SYNPO2: variants seen among roughly 807,000 people sequenced by gnomAD.
SYNPO2 encodes the protein synaptopodin-2.
Under a neutral mutation model 85.0 loss-of-function variants are expected in SYNPO2, and 56 were observed. The observed-to-expected ratio is 0.66, with a 90% CI of 0.53 to 0.82. The LOEUF is 0.82. Among genes scored for constraint, SYNPO2 ranks in the 40% least tolerant of loss-of-function variants. The pLI, the probability that SYNPO2 is intolerant of heterozygous loss-of-function variation, is 0.00. For synonymous variants in SYNPO2, 602 were observed against 591.1 expected, an observed-to-expected ratio of 1.02 and a Z score of -0.27; for missense variants, 1,575 against 1,534.2, an observed-to-expected ratio of 1.03 and a Z score of -0.44.
intron 1 of SYNPO2, among the ~76,000 whole-genome samples, chr4:119,007,035 A>G (rs1275925766): frequency 6.6e-6 from 1 of 150,692 alleles, no homozygotes; most frequent in African/African-American, 2.4e-5. Flanking sequence ...CACATTAGGC[A>G]ATGTACTTGG....
intron 4 of SYNPO2, chr4:119,036,203 T>A: frequency 1.0e-6 from 1 of 985,432 alleles, no homozygotes; most frequent in Non-Finnish European, 1.2e-6. Context: ...AAATGATTGT[T>A]TTTTGAAAAG....
chr4:118,933,665 A>G (rs996854275), intron 1 of SYNPO2, among the ~76,000 whole-genome samples: 3 of 152,190 alleles, frequency 2.0e-5, no homozygotes, highest in African/African-American at 7.2e-5. Flanking sequence ...ATTGAAAAAC[A>G]ACATACAGAA....
intron 1 of SYNPO2, among the ~76,000 whole-genome samples, chr4:118,891,658 C>G (rs1001134334): frequency 1.3e-5 from 2 of 152,082 alleles, no homozygotes; most frequent in African/African-American, 4.8e-5. Flanking sequence ...TCAATGTGTT[C>G]AAGGCAAAGT....
chr4:118,915,463 C>T (rs1014453219), intron 1 of SYNPO2, among the ~76,000 whole-genome samples: 1 of 152,044 alleles, frequency 6.6e-6, no homozygotes, highest in South Asian at 2.1e-4. Context: ...ATCTTCGGGA[C>T]TTGTTTTTCC....
intron 1 of SYNPO2, among the ~76,000 whole-genome samples, chr4:118,980,171 A>C (rs926849445): frequency 1.3e-5 from 2 of 152,222 alleles, no homozygotes; most frequent in Admixed American, 1.3e-4. Context: ...TATATAGTAT[A>C]GTGTAGTAAA....
At chr4:118,872,900 A>G (rs1731829580) in intron 1 of SYNPO2, among the ~76,000 whole-genome samples, 1 of 151,984 alleles carries the variant, frequency 6.6e-6, no homozygotes, top group Non-Finnish European at 1.5e-5. Context: ...TTTAGCTCCC[A>G]CCTATAAGTG....
intron 1 of SYNPO2, among the ~76,000 whole-genome samples, chr4:118,859,625 G>A (rs1017286118): frequency 1.3e-5 from 2 of 152,036 alleles, no homozygotes; most frequent in Non-Finnish European, 2.9e-5. Context: ...GTCTCCATTA[G>A]CTCAATTGTT....
At chr4:118,885,462 C>T (rs946431898), upstream of SYNPO2, among the ~76,000 whole-genome samples, 1 of 145,954 alleles carries the variant, frequency 6.9e-6, no homozygotes, top group African/African-American at 2.5e-5. Flanking sequence ...AAGTTAGATC[C>T]ATAGGTCTTT....
intron 1 of SYNPO2, among the ~76,000 whole-genome samples, chr4:118,908,421 A>G (rs907518389): frequency 1.3e-5 from 2 of 152,198 alleles, no homozygotes; most frequent in African/African-American, 2.4e-5. Context: ...AAATATTAAT[A>G]GTGATTTGGT....
chr4:118,970,280 C>G (rs1308768660), intron 1 of SYNPO2, among the ~76,000 whole-genome samples: 1 of 152,164 alleles, frequency 6.6e-6, no homozygotes, highest in Non-Finnish European at 1.5e-5. Flanking sequence ...AAGGTGCTCA[C>G]ATTTTATTCA....
Position 118,851,574 on chromosome 4 carries a change from T to C in SYNPO2, c.12+634T>C, listed in dbSNP as rs1047897833. 2.6e-5 allele frequency among the ~76,000 whole-genome samples: 4 copies of C among 152,320 alleles called. No homozygotes were observed. In the South Asian group the frequency reaches 6.2e-4, roughly 24 times the overall value. On this transcript the variant is annotated intron_variant, in intron 1 of 4. Transcript: ENST00000610556. ...ATATAAGATATAGCTATCGATATTATGGAATAAAACAATTAAAACTCATTG... is the reference window on the plus strand; with the variant it reads ...ATATAAGATATAGCTATCGATATTACGGAATAAAACAATTAAAACTCATTG...
chr4:118,876,302 G>A (rs1443177362), intron 1 of SYNPO2, among the ~76,000 whole-genome samples: 1 of 152,156 alleles, frequency 6.6e-6, no homozygotes, highest in African/African-American at 2.4e-5. Context: ...TGCTTTTCAA[G>A]TAACTGTCTC....
intron 1 of SYNPO2, chr4:118,851,016 C>T (rs1414864984): frequency 1.5e-5 from 6 of 398,366 alleles, no homozygotes; most frequent in South Asian, 1.3e-4. Flanking sequence ...TTATTGCCTG[C>T]GAATATCAGG....
chr4:118,963,075 C>T (rs1735168841), intron 1 of SYNPO2, among the ~76,000 whole-genome samples: 1 of 152,148 alleles, frequency 6.6e-6, no homozygotes, highest in African/African-American at 2.4e-5. Flanking sequence ...TTAAACATAT[C>T]TGAGAGTGAA....
At chr4:118,947,179 T>A (rs895004774) in intron 1 of SYNPO2, among the ~76,000 whole-genome samples, 2 of 152,228 alleles carry the variant, frequency 1.3e-5, no homozygotes, top group African/African-American at 2.4e-5. Flanking sequence ...GAATTTCTCA[T>A]GATACACTTC....
Position 118,904,433 on chromosome 4 carries a change from G to C in SYNPO2, c.105+15292G>C, listed in dbSNP as rs1490689382. On this transcript the variant is annotated intron_variant, in intron 1 of 4. Coordinates refer to ENST00000307142, the MANE Select transcript of SYNPO2 (RefSeq NM_133477.3). ...TTTAGAATGCTGCCTCACATTTGCT[G>C]AATAACCTATTGCCCTTTAATTGGA... Among the ~76,000 whole-genome samples, 13 of 152,124 alleles carry C rather than the reference G, an allele frequency of 8.5e-5. 1 individual carries two copies. Among genetic ancestry groups the C allele is most frequent in the Admixed American group, 8.5e-4 (13 of 15,258 alleles).
At chr4:118,871,438 C>A (rs936432648) in intron 1 of SYNPO2, among the ~76,000 whole-genome samples, 1 of 151,982 alleles carries the variant, frequency 6.6e-6, no homozygotes, top group Admixed American at 6.6e-5. Flanking sequence ...CACCATGTGA[C>A]AAAACATAGG....
At chr4:119,020,150 G>A (rs1039999717) in intron 1 of SYNPO2, among the ~76,000 whole-genome samples, 1 of 151,210 alleles carries the variant, frequency 6.6e-6, no homozygotes, top group African/African-American at 2.5e-5. Flanking sequence ...TGGTTGAAGA[G>A]TTCTATAAAA....
chr4:118,917,932 T>C (rs534368991), intron 1 of SYNPO2, among the ~76,000 whole-genome samples: 2 of 152,320 alleles, frequency 1.3e-5, no homozygotes, highest in South Asian at 2.1e-4. Context: ...AGGCCCTATA[T>C]ACTAAATTTT....
Sources: allele counts gnomAD v4.1 joint callset (sites outside exome capture counted in the v4.1 genomes callset), GRCh38; gene constraint gnomAD v4.1.1; transcripts MANE v1.5; gene names NCBI Gene and HGNC (gene_info 2026-07-23, HGNC 2026-07-21).